The following DST variants were observed in gnomAD, a reference collection of about 807,000 sequenced individuals.
DST encodes dystonin.
In DST, 253 loss-of-function variants were observed where a neutral mutation model predicts 875.2. That is an observed-to-expected ratio of 0.29 (90% confidence interval 0.26 to 0.32). DST has a LOEUF of 0.32. DST is among the 10% of genes least tolerant of loss of function. The probability of loss-of-function intolerance (pLI) is 1.00; values close to 1 mark genes in which losing one functional copy is unlikely to be tolerated. For synonymous variants in DST, 3,124 were observed against 3,197.1 expected, an observed-to-expected ratio of 0.98 and a Z score of 0.77; for missense variants, 8,287 against 9,111.6, an observed-to-expected ratio of 0.91 and a Z score of 3.68.
At chr6:56,939,716 C>T (rs1036314558) in intron 2 of DST, among the ~76,000 whole-genome samples, 62 of 151,800 alleles carry the variant, frequency 4.1e-4, no homozygotes, top group African/African-American at 1.5e-3. Flanking sequence ...ATAGATTACT[C>T]TTCCAATAAA....
intron 92 of DST, among the ~76,000 whole-genome samples, chr6:56,475,405 AC>A (rs1261970590): frequency 2.2e-5 from 2 of 92,228 alleles, no homozygotes; most frequent in African/African-American, 6.5e-5. Context: ...ACACACACAC[AC>A]ACACACACAC....
In DST at chr6:56,628,167, A is replaced by G. The variant is rs1401399601; in HGVS notation, c.4476-6T>C. The G allele has an allele frequency of 1.9e-6, 3 of 1,612,770 alleles. No individual in the cohort carries two copies. In the Admixed American group the frequency reaches 5.0e-5, roughly 27 times the overall value. On this transcript the variant is annotated splice_region_variant and splice_polypyrimidine_tract_variant and intron_variant, in intron 32 of 103. Transcript: ENST00000680361. ...TGCCCTCTAAGTCCCGTAACCTAAG[A>G]GAATAGTAACCGAATAGTCACGGTG...
At chr6:56,577,408 A>G (rs1454136551) in intron 50 of DST, among the ~76,000 whole-genome samples, 1 of 152,216 alleles carries the variant, frequency 6.6e-6, no homozygotes, top group Non-Finnish European at 1.5e-5. Context: ...TCATATTTTC[A>G]TTTTATACTT....
chr6:56,581,051 TA>T (rs771314105), intron 49 of DST, among the ~76,000 whole-genome samples: 21,628 of 90,484 alleles, frequency 0.24, 2,560 homozygotes, highest in African/African-American at 0.37. Flanking sequence ...TGGCATTTAT[TA>T]AAAAAAAAAA....
chr6:56,889,632 G>A (rs1290241218), intron 3 of DST, among the ~76,000 whole-genome samples: 1 of 152,182 alleles, frequency 6.6e-6, no homozygotes, highest in Non-Finnish European at 1.5e-5. Context: ...CTGTTGCAGT[G>A]TGCAAAAAAC....
chr6:56,577,065 T>G (rs2097880343), intron 50 of DST, among the ~76,000 whole-genome samples: 2 of 152,322 alleles, frequency 1.3e-5, no homozygotes, highest in South Asian at 4.2e-4. Flanking sequence ...AATGTTATTT[T>G]TTTAAATCAT....
intron 4 of DST, among the ~76,000 whole-genome samples, chr6:56,763,806 C>G (rs141149777): frequency 0.01 from 1,525 of 150,724 alleles, 24 homozygotes; most frequent in African/African-American, 0.034. Context: ...GAATGCTGGT[C>G]CAATCCCACA....
chr6:56,895,924 G>A (rs1790949178), intron 3 of DST, among the ~76,000 whole-genome samples: 1 of 44,892 alleles, frequency 2.2e-5, no homozygotes, highest in Non-Finnish European at 3.9e-5. Context: ...GGCTGAGGCA[G>A]GAGAATCAGG....
intron 2 of DST, among the ~76,000 whole-genome samples, chr6:56,928,480 G>A (rs1808394132): frequency 6.6e-6 from 1 of 152,130 alleles, no homozygotes; most frequent in Non-Finnish European, 1.5e-5. Flanking sequence ...GCCCACTTAT[G>A]CTAATTAAGG....
In DST at chr6:56,465,882, A is replaced by G. The variant is rs576225446; in HGVS notation, c.22687+196T>C. Among the ~76,000 whole-genome samples the G allele has an allele frequency of 4.9e-4, 75 of 151,698 alleles. No individual in the cohort carries two copies. In the South Asian group the frequency reaches 5.6e-3, roughly 11 times the overall value. Reference sequence around the variant, plus strand: ...CCAGAAAAAGTAAAAAAAAAAAAAAAAAAGAAAGAAAAAAATGAGAAGAAT... The same window carrying G: ...CCAGAAAAAGTAAAAAAAAAAAAAAGAAAGAAAGAAAAAAATGAGAAGAAT... On this transcript the variant is annotated intron_variant, in intron 99 of 103. Transcript: ENST00000680361.
intron 4 of DST, chr6:56,843,500 C>A: frequency 1.0e-6 from 1 of 987,076 alleles, no homozygotes; most frequent in South Asian, 4.7e-5. Flanking sequence ...CGGGCGGGGG[C>A]CGGCGGGCGC....
intron 55 of DST, among the ~76,000 whole-genome samples, chr6:56,566,832 G>T (rs2097688030): frequency 6.6e-6 from 1 of 152,138 alleles, no homozygotes; most frequent in Admixed American, 6.5e-5. Context: ...GGGCTTAATG[G>T]AGGCAGAATA....
At chr6:56,922,019 T>C (rs562350391) in intron 2 of DST, among the ~76,000 whole-genome samples, 1 of 152,310 alleles carries the variant, frequency 6.6e-6, no homozygotes, top group South Asian at 2.1e-4. Flanking sequence ...CTTAAATACA[T>C]ACATATATAC....
chr6:56,699,857 T>C, intron 8 of DST, 112 bp from the exon 9 acceptor site: 1 of 538,230 alleles, frequency 1.9e-6, no homozygotes, highest in Non-Finnish European at 3.2e-6. Flanking sequence ...ATGGAATAAT[T>C]TAAACACCAG....
Position 56,900,603 on chromosome 6 carries a change from G to T in DST, c.235C>A (p.Arg79=), listed in dbSNP as rs748063375. 2.2e-6 allele frequency: 3 copies of T among 1,367,452 alleles called. No individual in the cohort carries two copies. The highest frequency in any genetic ancestry group is 2.0e-6 in the Non-Finnish European group (2 of 1,021,832). 84.7% of individuals were successfully genotyped at this position (1,367,452 alleles called of 1,614,324 possible). A position where few individuals can be genotyped will look rare whatever the true frequency, so the allele number is the denominator to read the frequency against. Reference sequence around the variant, plus strand: ...GCTGCAACTCGTCTTCTAAGATGCCGAGGGCTTGCTCTGAATCCCTGTGGC... The same window carrying T: ...GCTGCAACTCGTCTTCTAAGATGCCTAGGGCTTGCTCTGAATCCCTGTGGC... ...FRSEGFRASP[R]HLRRRVAAAA... Residue 79 remains arginine (R), a synonymous_variant, in exon 3 of 104, where the codon CGG becomes AGG. Coordinates refer to ENST00000680361, the MANE Select transcript of DST (RefSeq NM_001374736.1).
At chr6:56,945,548 GA>G (rs1177998957) in intron 2 of DST, among the ~76,000 whole-genome samples, 2 of 151,932 alleles carry the variant, frequency 1.3e-5, no homozygotes, top group Non-Finnish European at 2.9e-5. Context: ...ACATCTATGG[GA>G]AAATGAGGAA....
At chr6:56,613,380 T>A (rs970299580) in intron 37 of DST, among the ~76,000 whole-genome samples, 8 of 152,128 alleles carry the variant, frequency 5.3e-5, no homozygotes, top group Non-Finnish European at 1.2e-4. Flanking sequence ...GAACCTCAAA[T>A]AAGGAACACT....
chr6:56,891,435 C>T (rs1181152989), intron 3 of DST, among the ~76,000 whole-genome samples: 1 of 152,024 alleles, frequency 6.6e-6, no homozygotes, highest in Non-Finnish European at 1.5e-5. Flanking sequence ...GGCGTGGTAG[C>T]GGGCACCTGT....
intron 36 of DST, among the ~76,000 whole-genome samples, chr6:56,623,050 A>C (rs542117125): frequency 1.3e-5 from 2 of 152,306 alleles, no homozygotes; most frequent in South Asian, 4.1e-4. Context: ...GTTAAGTGGT[A>C]GTTTTTTTTA....
Sources: gnomAD v4.1 joint callset for allele counts (sites outside exome capture counted in the v4.1 genomes callset) on GRCh38, gnomAD v4.1.1 for gene constraint, MANE v1.5 for transcripts, NCBI Gene and HGNC (gene_info 2026-07-23, HGNC 2026-07-21) for gene names.